LARS1: variants seen among roughly 807,000 people sequenced by gnomAD.
LARS1 encodes leucine--tRNA ligase, cytoplasmic.
In LARS1, 100 loss-of-function variants were observed where a neutral mutation model predicts 162.8. The ratio of observed to expected loss-of-function variants is 0.61; its 90% CI spans 0.52 to 0.73. LARS1 has a LOEUF of 0.73. LARS1 is among the 30% of genes least tolerant of loss of function. LARS1 has a pLI of 0.00. For synonymous variants in LARS1, 457 were observed against 462.8 expected (o/e 0.99, Z 0.16); for missense variants, 1,258 against 1,408.9 (o/e 0.89, Z 1.71).
At chr5:146,142,247 C>T (rs1032219265) in intron 20 of LARS1, among the ~76,000 whole-genome samples, 3 of 151,934 alleles carry the variant, frequency 2.0e-5, no homozygotes, top group Non-Finnish European at 2.9e-5. Context: ...GAGTTCGTGC[C>T]GCTGCACTCC....
chr5:146,144,584 C>T, intron 16 of LARS1, 40 bp downstream of exon 16: 1 of 1,611,782 alleles, frequency 6.2e-7, no homozygotes, highest in Non-Finnish European at 8.5e-7. Flanking sequence ...CAAAGGTGAG[C>T]AAATTGACTA....
At chr5:146,120,538 GAATA>G (rs774339623) in intron 30 of LARS1, 35 bp from the exon 31 acceptor site, 2 of 1,597,568 alleles carry the variant, frequency 1.3e-6, no homozygotes, top group Admixed American at 3.5e-5. Flanking sequence ...TGTTTAACTT[GAATA>G]CTGCTGAGGG....
Position 146,120,448 on chromosome 5 carries a change from G to C in LARS1, c.3248C>G (p.Thr1083Ser). 2 of 1,613,224 alleles carry C rather than the reference G, an allele frequency of 1.2e-6. No homozygotes were observed. Among genetic ancestry groups the C allele is most frequent in the African/African-American group, 1.3e-5 (1 of 74,976 alleles). ...ATCTCCTTGCCTGATTTCAATTTTG[G>C]TTGAGAAGTGGCCATTGGATGGCTG... The part of the protein sequence containing the change: ...NPQPSNGHFS[T>S]KIEIRQGDNC... The change falls in exon 31 of 32, where the codon ACC (threonine) becomes AGC (serine). Residue 1083 changes from threonine to serine, a missense_variant. Coordinates refer to ENST00000394434, the MANE Select transcript of LARS1 (RefSeq NM_020117.11).
intron 19 of LARS1, 48 bp downstream of exon 19, chr5:146,143,364 C>T: frequency 1.9e-6 from 3 of 1,561,716 alleles, no homozygotes; most frequent in South Asian, 1.2e-5. Flanking sequence ...TCAAATATCA[C>T]AACTCTTACT....
At chr5:146,152,425 C>T (rs751915410) in intron 13 of LARS1, among the ~76,000 whole-genome samples, 22 of 152,152 alleles carry the variant, frequency 1.4e-4, no homozygotes, top group Admixed American at 7.2e-4. Flanking sequence ...AGCATCACCC[C>T]CTGAGCTTCA....
chr5:146,152,115 C>T (rs1753320418), intron 13 of LARS1, 113 bp from the exon 14 acceptor site: 1 of 1,060,588 alleles, frequency 9.4e-7, no homozygotes, highest in Non-Finnish European at 1.4e-6. Flanking sequence ...TTGTATATGT[C>T]ATTACGACAC....
At chr5:146,132,817 GAAAAGAAAAGA>G in intron 23 of LARS1, 70 bp downstream of exon 23, 1 of 528,094 alleles carries the variant, frequency 1.9e-6, no homozygotes, top group East Asian at 4.4e-5. Context: ...AAAAAAAAAA[GAAAAGAAAAGA>G]AAAAGAAAAC....
At position 146,126,433 on chromosome 5, in the gene LARS1, A is replaced by T. The variant is rs748151432; in HGVS notation, c.2991+2T>A. The stretch of plus-strand genomic sequence containing the variant: ...CACAGCTGCATAAGGTCCACAGCTT[A>T]CCTTAATCATGGCAACAAATGGCAT... On this transcript the variant is annotated splice_donor_variant, in intron 28 of 31. Transcript: ENST00000394434. LOFTEE classifies it high-confidence loss of function. 1 of 1,591,562 alleles carries T rather than the reference A, an allele frequency of 6.3e-7. No homozygotes were observed. Among genetic ancestry groups the T allele is most frequent in the Admixed American group, 1.7e-5 (1 of 59,776 alleles).
chr5:146,133,845 T>C (rs1343190316), intron 22 of LARS1, among the ~76,000 whole-genome samples: 1 of 152,152 alleles, frequency 6.6e-6, no homozygotes, highest in Admixed American at 6.5e-5. Context: ...ATATCTATGT[T>C]TTTTGTTTGT....
intron 31 of LARS1, among the ~76,000 whole-genome samples, chr5:146,117,312 C>A (rs1487181355): frequency 6.6e-6 from 1 of 151,968 alleles, no homozygotes; most frequent in Non-Finnish European, 1.5e-5. Flanking sequence ...GCTATAACAT[C>A]ATAATAATCC....
intron 7 of LARS1, 148 bp downstream of exon 7, chr5:146,160,226 T>A (rs1443778763): frequency 1.2e-5 from 5 of 413,208 alleles, no homozygotes. Context: ...TAAAGAGATG[T>A]GGTCTCGCTA....
chr5:146,168,012 T>TA, intron 5 of LARS1, 116 bp downstream of exon 5: 2 of 914,978 alleles, frequency 2.2e-6, no homozygotes, highest in Admixed American at 3.1e-5. Context: ...TTTGATACTT[T>TA]AAAAAAATGA....
intron 6 of LARS1, 51 bp from the exon 7 acceptor site, chr5:146,160,537 G>GTTTAAA: frequency 1.1e-6 from 1 of 920,752 alleles, no homozygotes; most frequent in South Asian, 1.8e-5. Flanking sequence ...CACAAATTTT[G>GTTTAAA]TTTAAATAAG....
chr5:146,171,507 C>T (rs1441510163), intron 4 of LARS1, among the ~76,000 whole-genome samples: 1 of 152,094 alleles, frequency 6.6e-6, no homozygotes, highest in Non-Finnish European at 1.5e-5. Flanking sequence ...CTAATACAAA[C>T]TTATGACAAA....
rs1421576679 is a variant in LARS1, at chr5:146,130,091, A to T, written c.2555T>A (p.Ile852Asn). 6.2e-7 allele frequency: 1 copy of T among 1,614,000 alleles called. No homozygotes were observed. The highest frequency in any genetic ancestry group is 1.1e-5 in the South Asian group (1 of 91,074). ...GMHRELVFRF[I>N]EVQTLLLAPF... ...AGCGAGGAGAAGTGTCTGAACTTCAATAAACCGGAACACAAGTTCTCTGTG... is the reference window on the plus strand; with the variant it reads ...AGCGAGGAGAAGTGTCTGAACTTCATTAAACCGGAACACAAGTTCTCTGTG... Residue 852 changes from isoleucine to asparagine, a missense_variant, in exon 25 of 32, where the codon ATT becomes AAT. Ile to Asn is a moderately radical substitution (Grantham distance 149). Coordinates refer to ENST00000394434, the MANE Select transcript of LARS1 (RefSeq NM_020117.11).
chr5:146,174,945 T>C (rs11955557), intron 2 of LARS1, among the ~76,000 whole-genome samples: 33,825 of 151,958 alleles, frequency 0.22, 4,825 homozygotes, highest in Admixed American at 0.34. Flanking sequence ...CAATGCTGGG[T>C]GCAGTGGCCC....
intron 8 of LARS1, among the ~76,000 whole-genome samples, chr5:146,158,483 G>A (rs537050303): frequency 6.6e-6 from 1 of 152,304 alleles, no homozygotes; most frequent in Non-Finnish European, 1.5e-5. Flanking sequence ...AAGTTCAGAT[G>A]CTGGCATTGT....
At chr5:146,140,348 T>C (rs1348882338) in intron 20 of LARS1, 87 bp from the exon 21 acceptor site, 3 of 973,590 alleles carry the variant, frequency 3.1e-6, no homozygotes, top group East Asian at 5.0e-5. Flanking sequence ...GCTAATAGAC[T>C]CATAAAGGCT....
Position 146,142,552 on chromosome 5 carries a change from G to A in LARS1, c.2090+320C>T, listed in dbSNP as rs114030269. ...ACAACTAATGCTGGAACCTTGGGGC[G>A]CTCTGCTCTAAAGAGAAGGTTCTTT... On this transcript the variant is annotated intron_variant, in intron 20 of 31. Coordinates refer to ENST00000394434, the MANE Select transcript of LARS1 (RefSeq NM_020117.11). Among the ~76,000 whole-genome samples, 1,353 of 152,212 alleles carry A rather than the reference G, an allele frequency of 8.9e-3. 20 individuals carry two copies. The highest frequency in any genetic ancestry group is 0.031 in the African/African-American group (1,289 of 41,528).
Sources: gnomAD v4.1 joint callset for allele counts (sites outside exome capture counted in the v4.1 genomes callset) on GRCh38, gnomAD v4.1.1 for gene constraint, MANE v1.5 for transcripts, NCBI Gene and HGNC (gene_info 2026-07-23, HGNC 2026-07-21) for gene names.